FLVCR2: variants seen among roughly 807,000 people sequenced by gnomAD.
FLVCR2 encodes choline/ethanolamine transporter FLVCR2.
FLVCR2 carries 38 observed loss-of-function variants against 48.9 expected under a neutral mutation model. That is an observed-to-expected ratio of 0.78 (90% CI 0.60 to 1.02). The LOEUF is 1.02. Among genes scored for constraint, FLVCR2 ranks in the 50% least tolerant of loss-of-function variants. The pLI is 0.00. For missense variants in FLVCR2, 664 were observed against 663.3 expected, an observed-to-expected ratio of 1.00 and a Z score of -0.01; for synonymous variants, 255 against 257.0, an observed-to-expected ratio of 0.99 and a Z score of 0.07.
At chr14:75,610,022 G>A (rs917787155) in intron 1 of FLVCR2, among the ~76,000 whole-genome samples, 5 of 152,170 alleles carry the variant, frequency 3.3e-5, no homozygotes, top group East Asian at 1.9e-4. Context: ...TTTGAATGGC[G>A]CTTTGCACAT....
At chr14:75,603,537 T>C (rs756905429) in intron 1 of FLVCR2, among the ~76,000 whole-genome samples, 1 of 152,156 alleles carries the variant, frequency 6.6e-6, no homozygotes, top group East Asian at 1.9e-4. Flanking sequence ...ATCTTTCAAT[T>C]CGTTTGTGCT....
intron 1 of FLVCR2, among the ~76,000 whole-genome samples, chr14:75,596,871 G>C (rs2140013972): frequency 7.0e-6 from 1 of 142,652 alleles, no homozygotes; most frequent in Non-Finnish European, 1.5e-5. Context: ...TGTAAAAGTG[G>C]AATCATACTT....
rs139286922 is a variant in FLVCR2 at position 75,595,228 on chromosome 14, G to GA, written c.669+15590dup. On this transcript the variant is annotated intron_variant, in intron 1 of 9. Coordinates refer to ENST00000238667, the MANE Select transcript of FLVCR2 (RefSeq NM_017791.3). The stretch of plus-strand genomic sequence containing the variant: ...TTTTACATTCATTACTAAGTCTTTG[G>GA]AAACTCATGTATATTTTATACTTAT... Among the ~76,000 whole-genome samples, 1,230 of 152,276 alleles carry GA rather than the reference G, an allele frequency of 8.1e-3. 4 individuals carry two copies. Among genetic ancestry groups the GA allele is most frequent in the Middle Eastern group, 0.034 (10 of 294 alleles).
intron 1 of FLVCR2, among the ~76,000 whole-genome samples, chr14:75,614,774 A>G (rs1348156542): frequency 6.6e-6 from 1 of 152,240 alleles, no homozygotes; most frequent in Non-Finnish European, 1.5e-5. Flanking sequence ...GGGAGGCCTC[A>G]GGAAACTTAC....
chr14:75,596,968 A>G (rs894729891), intron 1 of FLVCR2, among the ~76,000 whole-genome samples: 2 of 152,276 alleles, frequency 1.3e-5, no homozygotes, highest in East Asian at 1.9e-4. Context: ...TTTATGTCTT[A>G]AAACTGCATC....
chr14:75,579,268 C>T lies in FLVCR2; in HGVS notation c.296C>T (p.Ser99Phe), dbSNP rs777976911. 1 of 1,614,236 alleles carries T rather than the reference C, an allele frequency of 6.2e-7. No individual in the cohort carries two copies. Among genetic ancestry groups the T allele is most frequent in the Admixed American group, 1.7e-5 (1 of 60,028 alleles). Residue 99 changes from serine to phenylalanine, a missense_variant, in exon 1 of 10, where the codon TCC becomes TTC. Transcript: ENST00000238667. ...LVFSCYSMCN[S>F]FQWIQYGSIN... ...TTTAGCTGCTACTCCATGTGCAACT[C>T]CTTTCAGTGGATCCAGTACGGCTCC...
At chr14:75,599,901 C>A (rs377098757) in intron 1 of FLVCR2, among the ~76,000 whole-genome samples, 4 of 152,092 alleles carry the variant, frequency 2.6e-5, no homozygotes, top group African/African-American at 9.7e-5. Context: ...AACTGGATAA[C>A]CATATGAAAT....
chr14:75,621,958 C>A, intron 1 of FLVCR2, 121 bp from the exon 2 acceptor site: 1 of 1,030,014 alleles, frequency 9.7e-7, no homozygotes, highest in Non-Finnish European at 1.5e-6. Context: ...ATAATCCCTG[C>A]ATGGGTGTTA....
chr14:75,582,136 A>G (rs1888625901), intron 1 of FLVCR2, among the ~76,000 whole-genome samples: 2 of 152,150 alleles, frequency 1.3e-5, no homozygotes, highest in African/African-American at 2.4e-5. Flanking sequence ...GCCCTGAGTG[A>G]TGAGATCTGA....
At chr14:75,600,502 T>C (rs1375026475) in intron 1 of FLVCR2, among the ~76,000 whole-genome samples, 1 of 152,206 alleles carries the variant, frequency 6.6e-6, no homozygotes, top group East Asian at 1.9e-4. Flanking sequence ...TTGTATAAGA[T>C]CCAAGAAACC....
chr14:75,624,419 C>T (rs749191178), intron 2 of FLVCR2, among the ~76,000 whole-genome samples, 193 bp from the exon 3 acceptor site: 9 of 151,860 alleles, frequency 5.9e-5, no homozygotes, highest in Non-Finnish European at 1.3e-4. Context: ...TATCAAAGGA[C>T]CATTCACTCA....
At chr14:75,638,091 T>C (rs986075449) in intron 5 of FLVCR2, among the ~76,000 whole-genome samples, 9 of 152,154 alleles carry the variant, frequency 5.9e-5, no homozygotes, top group Non-Finnish European at 1.3e-4. Flanking sequence ...TGAGAGAATA[T>C]TCTCTCTTAG....
At position 75,639,424 on chromosome 14, in the gene FLVCR2, A is replaced by G. The variant is rs149672851; in HGVS notation, c.1197A>G (p.Gly399=). The stretch of plus-strand genomic sequence containing the variant: ...TGTACACGTTTACCTTGAACCTGGG[A>G]CACCTGTGGGTAGTGTTCATCACTG... ...MVVYTFTLNL[G]HLWVVFITAG... The change falls in exon 6 of 10, where the codon GGA becomes GGG. Residue 399 remains glycine (G), a synonymous_variant. Transcript: ENST00000238667. 2 of 1,613,940 alleles carry G rather than the reference A, an allele frequency of 1.2e-6. No homozygotes were observed. Among genetic ancestry groups the G allele is most frequent in the East Asian group, 2.2e-5 (1 of 44,884 alleles).
intron 1 of FLVCR2, among the ~76,000 whole-genome samples, chr14:75,619,688 T>C (rs192444007): frequency 7.2e-5 from 11 of 152,356 alleles, no homozygotes; most frequent in Admixed American, 7.2e-4. Flanking sequence ...TGTACCTCCA[T>C]AGCCAATTTC....
intron 1 of FLVCR2, among the ~76,000 whole-genome samples, chr14:75,583,018 C>T (rs897846991): frequency 1.3e-5 from 2 of 152,200 alleles, no homozygotes; most frequent in African/African-American, 4.8e-5. Flanking sequence ...GTAATGGGCG[C>T]TGTCCTTGAA....
At chr14:75,626,926 A>G (rs1251351635) in intron 3 of FLVCR2, among the ~76,000 whole-genome samples, 1 of 151,944 alleles carries the variant, frequency 6.6e-6, no homozygotes, top group Non-Finnish European at 1.5e-5. Flanking sequence ...AATATTTTCT[A>G]TAGCTGAAAA....
chr14:75,596,524 T>G (rs555008390), intron 1 of FLVCR2, among the ~76,000 whole-genome samples: 1 of 152,298 alleles, frequency 6.6e-6, no homozygotes, highest in African/African-American at 2.4e-5. Flanking sequence ...ATACAAAGCA[T>G]GACTCGGTGG....
Position 75,624,736 on chromosome 14 carries a change from G to T in FLVCR2, c.936G>T (p.Leu312=). The change falls in exon 3 of 10, where the codon CTG becomes CTT. Residue 312 remains leucine (L), a synonymous_variant. Transcript: ENST00000238667. ...ARLFKNLNFV[L]LVITYGLNAG... ...TCTTCAAAAATCTCAACTTTGTGCTGCTTGTCATCACCTATGGTAAGGTGT... is the reference window on the plus strand; with the variant it reads ...TCTTCAAAAATCTCAACTTTGTGCTTCTTGTCATCACCTATGGTAAGGTGT... The T allele has an allele frequency of 6.2e-7, 1 of 1,614,066 alleles. No individual in the cohort carries two copies. The highest frequency in any genetic ancestry group is 8.5e-7 in the Non-Finnish European group (1 of 1,180,012).
intron 1 of FLVCR2, among the ~76,000 whole-genome samples, chr14:75,595,271 A>G (rs772350410): frequency 5.3e-5 from 8 of 152,256 alleles, no homozygotes; most frequent in Non-Finnish European, 8.8e-5. Flanking sequence ...CGCATAAGCA[A>G]TGGCCCCTAG....
Sources: allele counts gnomAD v4.1 joint callset (sites outside exome capture counted in the v4.1 genomes callset), GRCh38; gene constraint gnomAD v4.1.1; transcripts MANE v1.5; gene names NCBI Gene and HGNC (gene_info 2026-07-23, HGNC 2026-07-21).